The following PPP1R12A variants were observed in gnomAD, a reference collection of about 807,000 sequenced individuals.
The protein encoded by PPP1R12A is myosin binding subunit.
A neutral mutation model predicts 139.6 loss-of-function variants in PPP1R12A; 19 were observed. The observed-to-expected ratio is 0.14, with a 90% CI of 0.09 to 0.20. The LOEUF (loss-of-function observed/expected upper bound fraction) is 0.20, where lower values mean the gene tolerates loss of function less well. PPP1R12A is among the 10% of genes least tolerant of loss of function. PPP1R12A has a pLI of 1.00. For synonymous variants in PPP1R12A, 427 were observed against 420.6 expected, an observed-to-expected ratio of 1.02 and a Z score of -0.19; for missense variants, 925 against 1,211.5, an observed-to-expected ratio of 0.76 and a Z score of 3.51.
At chr12:79,820,624 T>C (rs1276730022) in intron 8 of PPP1R12A, 150 bp downstream of exon 8, 1 of 749,860 alleles carries the variant, frequency 1.3e-6, no homozygotes, top group African/African-American at 1.8e-5. Flanking sequence ...TATGTAAGTT[T>C]CTAGCATTCA....
In PPP1R12A at chr12:79,788,640, C is replaced by G. The variant is rs1192716886; in HGVS notation, c.2802+8G>C. 4 of 1,602,606 alleles carry G rather than the reference C, an allele frequency of 2.5e-6. No individual in the cohort carries two copies. The highest frequency in any genetic ancestry group is 3.4e-6 in the Non-Finnish European group (4 of 1,175,378). On this transcript the variant is annotated splice_region_variant and intron_variant, in intron 21 of 24. Transcript: ENST00000450142. ...TTTTTATTAAATATAACTAAATAACCCAAGTACCTTTTTAAAGTCAGTTGA... is the reference window on the plus strand; with the variant it reads ...TTTTTATTAAATATAACTAAATAACGCAAGTACCTTTTTAAAGTCAGTTGA...
Position 79,806,235 on chromosome 12 carries a change from C to G in PPP1R12A, c.1754G>C (p.Ser585Thr). Residue 585 changes from serine (S) to threonine (T), a missense_variant, in exon 13 of 25, where the codon AGC becomes ACC. Physicochemically the swap from Ser to Thr is moderately conservative, Grantham distance 58 (BLOSUM62 1). Coordinates refer to ENST00000450142, the MANE Select transcript of PPP1R12A (RefSeq NM_002480.3). ...TVTSAAGLQK[S>T]LLSSTSTTTK... ...AGTAGTGCTTGTGCTGGAAAGCAGGCTTTTCTGAAGCCCAGCTGCAGAGGT... is the reference window on the plus strand; with the variant it reads ...AGTAGTGCTTGTGCTGGAAAGCAGGGTTTTCTGAAGCCCAGCTGCAGAGGT... 2 of 1,613,948 alleles carry G rather than the reference C, an allele frequency of 1.2e-6. No individual in the cohort carries two copies. Among genetic ancestry groups the G allele is most frequent in the Non-Finnish European group, 1.7e-6 (2 of 1,179,836 alleles).
intron 1 of PPP1R12A, among the ~76,000 whole-genome samples, chr12:79,906,181 A>C (rs1425916743): frequency 5.3e-5 from 8 of 152,178 alleles, no homozygotes; most frequent in Non-Finnish European, 1.0e-4. Flanking sequence ...CTAGAAACAG[A>C]ATTGGAATGG....
intron 3 of PPP1R12A, among the ~76,000 whole-genome samples, chr12:79,837,886 C>G (rs1232552889): frequency 6.6e-6 from 1 of 152,138 alleles, no homozygotes; most frequent in African/African-American, 2.4e-5. Flanking sequence ...ATAAATTACC[C>G]ACTCTCGGGT....
chr12:79,869,425 G>A (rs1882325674), intron 2 of PPP1R12A, among the ~76,000 whole-genome samples: 1 of 152,150 alleles, frequency 6.6e-6, no homozygotes, highest in Non-Finnish European at 1.5e-5. Context: ...ACTATTCAGT[G>A]CATAAATGCA....
intron 2 of PPP1R12A, among the ~76,000 whole-genome samples, chr12:79,846,151 T>C (rs1879362546): frequency 6.6e-6 from 1 of 152,254 alleles, no homozygotes; most frequent in African/African-American, 2.4e-5. Flanking sequence ...GTCTTTTTAA[T>C]ATTTTACTAA....
chr12:79,808,597 A>G lies in PPP1R12A; in HGVS notation c.1456-20T>C, dbSNP rs1336455742. ...TTTCTCCTACACAACAGGGAAAAAA[A>G]TAAGTAAAAATTAATTTGGGTACTG... On this transcript the variant is annotated intron_variant, in intron 10 of 24. Coordinates refer to ENST00000450142, the MANE Select transcript of PPP1R12A (RefSeq NM_002480.3). 6.2e-6 allele frequency: 9 copies of G among 1,462,470 alleles called. No individual in the cohort carries two copies. Among genetic ancestry groups the G allele is most frequent in the South Asian group, 1.2e-5 (1 of 83,714 alleles). The allele number at this position is 1,462,470 out of a possible 1,614,324, so 90.6% of individuals were successfully genotyped here.
At chr12:79,858,598 C>T (rs1026055912) in intron 2 of PPP1R12A, among the ~76,000 whole-genome samples, 1 of 152,180 alleles carries the variant, frequency 6.6e-6, no homozygotes, top group African/African-American at 2.4e-5. Flanking sequence ...CTCTTAACTC[C>T]TATACTATAA....
intron 24 of PPP1R12A, among the ~76,000 whole-genome samples, chr12:79,776,252 T>C (rs546798550): frequency 2.6e-5 from 4 of 152,216 alleles, no homozygotes; most frequent in Non-Finnish European, 4.4e-5. Flanking sequence ...AAATTTTCCA[T>C]TGAAATTTAC....
intron 2 of PPP1R12A, among the ~76,000 whole-genome samples, chr12:79,857,764 G>A (rs965862831): frequency 6.6e-6 from 1 of 152,040 alleles, no homozygotes; most frequent in Non-Finnish European, 1.5e-5. Flanking sequence ...GCCTGAAGAT[G>A]AGAATCTATG....
At chr12:79,932,997 C>G (rs1463153386) in intron 1 of PPP1R12A, among the ~76,000 whole-genome samples, 1 of 152,168 alleles carries the variant, frequency 6.6e-6, no homozygotes, top group South Asian at 2.1e-4. Context: ...GTAAAGTACA[C>G]TTGAAAGAAA....
At chr12:79,824,667 T>C (rs966901691) in intron 5 of PPP1R12A, among the ~76,000 whole-genome samples, 20 of 152,178 alleles carry the variant, frequency 1.3e-4, no homozygotes, top group African/African-American at 4.6e-4. Context: ...AGCACAGTTA[T>C]AAAGCTAACA....
chr12:79,811,823 C>T (rs1874574407), intron 9 of PPP1R12A, among the ~76,000 whole-genome samples: 1 of 152,094 alleles, frequency 6.6e-6, no homozygotes, highest in African/African-American at 2.4e-5. Flanking sequence ...TGCCAACACC[C>T]ACATTAGGTC....
intron 14 of PPP1R12A, among the ~76,000 whole-genome samples, chr12:79,800,289 T>C (rs1872957646): frequency 6.6e-6 from 1 of 152,122 alleles, no homozygotes; most frequent in African/African-American, 2.4e-5. Context: ...ACCTCTGAGA[T>C]AGCAAGACCA....
At chr12:79,862,507 T>C (rs1031601443) in intron 2 of PPP1R12A, among the ~76,000 whole-genome samples, 1 of 152,024 alleles carries the variant, frequency 6.6e-6, no homozygotes, top group African/African-American at 2.4e-5. Context: ...AGGTCGGTAA[T>C]AACAAACTTC....
intron 1 of PPP1R12A, among the ~76,000 whole-genome samples, chr12:79,920,823 C>T (rs751673600): frequency 3.3e-5 from 5 of 152,184 alleles, no homozygotes; most frequent in African/African-American, 1.2e-4. Context: ...AGAGTTGACC[C>T]TACAACCTTG....
intron 3 of PPP1R12A, among the ~76,000 whole-genome samples, chr12:79,838,375 A>G (rs552713450): frequency 2.6e-5 from 4 of 152,368 alleles, no homozygotes; most frequent in East Asian, 1.9e-4. Context: ...ATAATGTGAA[A>G]GAAAACCCAA....
intron 19 of PPP1R12A, among the ~76,000 whole-genome samples, chr12:79,792,687 A>G (rs1018053074): frequency 6.6e-6 from 1 of 152,140 alleles, no homozygotes; most frequent in Admixed American, 6.5e-5. Context: ...AAAGCCAGAC[A>G]ATCTCCCTTC....
intron 1 of PPP1R12A, among the ~76,000 whole-genome samples, chr12:79,875,429 A>G (rs1883004666): frequency 6.6e-6 from 1 of 152,222 alleles, no homozygotes; most frequent in South Asian, 2.1e-4. Flanking sequence ...ACACAAAGCC[A>G]CTATTTGCCC....
Sources: gnomAD v4.1 joint callset for allele counts (sites outside exome capture counted in the v4.1 genomes callset) on GRCh38, gnomAD v4.1.1 for gene constraint, MANE v1.5 for transcripts, NCBI Gene and HGNC (gene_info 2026-07-23, HGNC 2026-07-21) for gene names.